Variants in HMGB1 observed in about 807,000 individuals in gnomAD.
The protein encoded by HMGB1 is high mobility group protein B1.
For synonymous variants in HMGB1, 81 were observed against 84.0 expected (o/e 0.96, Z 0.19); for missense variants, 79 against 253.5 (o/e 0.31, Z 4.67).
At position 30,550,525 on chromosome 13, in the gene HMGB1, T is replaced by G. The variant is rs143824238; in HGVS notation, c.-15+66146A>C. 7.1e-3 allele frequency among the ~76,000 whole-genome samples: 1,084 copies of G among 152,316 alleles called. 11 individuals are homozygous for G. Among genetic ancestry groups the G allele is most frequent in the African/African-American group, 0.025 (1,022 of 41,566 alleles). On this transcript the variant is annotated intron_variant, in intron 1 of 4. Coordinates refer to the HMGB1 transcript ENST00000405805. The stretch of plus-strand genomic sequence containing the variant: ...TCGTGTTTGTCGTACTTCCTTAATG[T>G]AGGGATTCTCTCTGTGTAACTACCT...
At chr13:30,509,095 G>A (rs1779899391) in intron 1 of HMGB1, among the ~76,000 whole-genome samples, 1 of 152,016 alleles carries the variant, frequency 6.6e-6, no homozygotes, top group Admixed American at 6.6e-5. Context: ...ACCATGCCCT[G>A]CTAATTAAAA....
At chr13:30,524,337 T>TAAAAAAAAA (rs756389867) in intron 1 of HMGB1, among the ~76,000 whole-genome samples, 2 of 47,408 alleles carry the variant, frequency 4.2e-5, no homozygotes, top group African/African-American at 1.1e-4. Context: ...TAAAGTATAT[T>TAAAAAAAAA]AAAAAAAAAA....
At position 30,477,070 on chromosome 13, in the gene HMGB1, G is replaced by A. The variant is rs76543280; in HGVS notation, c.-14-13376C>T. 8.2e-4 allele frequency among the ~76,000 whole-genome samples: 124 copies of A among 152,044 alleles called. 1 individual carries two copies. In the East Asian group the frequency reaches 0.022, roughly 27 times the overall value. ...CTCCACTAAAGCCATATGATCTTGC[G>A]GTTATTAGCCTAGCTAATAAAATAA... is the stretch of plus-strand genomic sequence containing the variant. On this transcript the variant is annotated intron_variant, in intron 1 of 4. Coordinates refer to the HMGB1 transcript ENST00000405805.
Position 30,463,701 on chromosome 13 carries a change from A to T in HMGB1, c.-14-7T>A, listed in dbSNP as rs375960340. On this transcript the variant is annotated splice_polypyrimidine_tract_variant and splice_region_variant and intron_variant, in intron 1 of 4. Coordinates refer to ENST00000341423, the MANE Select transcript of HMGB1 (RefSeq NM_002128.7). ...CCCATGTTTAGTTATTTTTCTAAAA[A>T]ATAAAATAAATATTTGATGTTAGCA... 260 of 1,501,086 alleles carry T rather than the reference A, an allele frequency of 1.7e-4. 1 individual carries two copies. In the African/African-American group the frequency reaches 2.0e-3, roughly 11 times the overall value. 93.0% of individuals were successfully genotyped at this position (1,501,086 alleles called of 1,614,324 possible).
chr13:30,580,739 T>G (rs1870864499), intron 1 of HMGB1, among the ~76,000 whole-genome samples: 1 of 152,220 alleles, frequency 6.6e-6, no homozygotes, highest in Non-Finnish European at 1.5e-5. Flanking sequence ...AACTATTAGT[T>G]GAATAAAATT....
upstream of HMGB1, chr13:30,465,990 C>T: frequency 2.0e-6 from 2 of 983,828 alleles, no homozygotes; most frequent in Non-Finnish European, 2.4e-6. Context: ...GGGGCTCGCT[C>T]ATTGGCCCGA....
At chr13:30,492,920 G>A (rs1458741481) in intron 1 of HMGB1, among the ~76,000 whole-genome samples, 1 of 150,996 alleles carries the variant, frequency 6.6e-6, no homozygotes, top group African/African-American at 2.4e-5. Context: ...GAACCTGGGA[G>A]GGGGAGGTTG....
chr13:30,529,383 T>C (rs1888447123), intron 1 of HMGB1, among the ~76,000 whole-genome samples: 1 of 152,202 alleles, frequency 6.6e-6, no homozygotes. Flanking sequence ...CAAGGACAAC[T>C]AATGAGGCAA....
chr13:30,541,563 G>A (rs988214683), intron 1 of HMGB1: 2 of 152,554 alleles, frequency 1.3e-5, no homozygotes, highest in East Asian at 3.8e-4. Flanking sequence ...TAAATAACAG[G>A]AAAAGCAAAT....
chr13:30,477,575 A>G (rs73167319), intron 1 of HMGB1, among the ~76,000 whole-genome samples: 20,220 of 152,258 alleles, frequency 0.13, 1,409 homozygotes, highest in South Asian at 0.25. Context: ...AAGACAGAAA[A>G]GGGGACTGCC....
At chr13:30,498,954 TTG>T (rs1887675260) in intron 1 of HMGB1, among the ~76,000 whole-genome samples, 1 of 53,958 alleles carries the variant, frequency 1.9e-5, no homozygotes, top group Non-Finnish European at 6.6e-5. Flanking sequence ...AGCCTCTTTT[TTG>T]TTTTTTTTTT....
In HMGB1 at chr13:30,546,324, C is replaced by T. The variant is rs149297673; in HGVS notation, c.-15+70347G>A. ...AGAGACGGGGTTTCACCATGTTGGC[C>T]AGGATGGTGTTGGTCTCCTGACCTC... On this transcript the variant is annotated intron_variant, in intron 1 of 4. Coordinates refer to the HMGB1 transcript ENST00000405805. 4.1e-4 allele frequency among the ~76,000 whole-genome samples: 62 copies of T among 152,272 alleles called. No individual in the cohort carries two copies. The East Asian group carries it at 0.011, about 27-fold the overall frequency.
intron 1 of HMGB1, among the ~76,000 whole-genome samples, chr13:30,501,177 G>C (rs1038308216): frequency 1.3e-5 from 2 of 152,092 alleles, no homozygotes; most frequent in Admixed American, 6.6e-5. Flanking sequence ...AAATGTGAAA[G>C]TCACCATCAA....
intron 1 of HMGB1, among the ~76,000 whole-genome samples, chr13:30,557,894 C>T (rs533047477): frequency 2.0e-5 from 3 of 152,264 alleles, no homozygotes; most frequent in South Asian, 2.1e-4. Flanking sequence ...TCTATCAATT[C>T]GGTATGTGTT....
chr13:30,492,708 T>C (rs1887523910), intron 1 of HMGB1, among the ~76,000 whole-genome samples: 1 of 152,040 alleles, frequency 6.6e-6, no homozygotes, highest in Admixed American at 6.6e-5. Flanking sequence ...AAGTTAAACA[T>C]GGCCGGGCAC....
chr13:30,469,047 C>T (rs1886863562), upstream of HMGB1, among the ~76,000 whole-genome samples: 1 of 152,086 alleles, frequency 6.6e-6, no homozygotes, highest in Non-Finnish European at 1.5e-5. Context: ...GCATGCACCA[C>T]CATGCCTGGG....
In HMGB1 at chr13:30,553,874, T is replaced by C. The variant is rs1484378933; in HGVS notation, c.-15+62797A>G. 7.6e-6 allele frequency: 10 copies of C among 1,313,722 alleles called. No homozygotes were observed. In the East Asian group the frequency reaches 2.1e-4, roughly 27 times the overall value. The allele number at this position is 1,313,722 out of a possible 1,614,324, so 81.4% of individuals were successfully genotyped here. A position where few individuals can be genotyped will look rare whatever the true frequency, so the allele number is the denominator to read the frequency against. ...AACTGCAGAATACTGAGAATGATTA[T>C]ATTAATGCCAGCTTAGTTGACATAG... On this transcript the variant is annotated intron_variant, in intron 1 of 4. Transcript: ENST00000405805.
At chr13:30,540,361 G>T in intron 1 of HMGB1, 1 of 159,530 alleles carries the variant, frequency 6.3e-6, no homozygotes. Flanking sequence ...CACGACACTG[G>T]GGGATGTGTC....
intron 1 of HMGB1, among the ~76,000 whole-genome samples, chr13:30,484,653 T>C (rs565925528): frequency 6.6e-6 from 1 of 152,166 alleles, no homozygotes; most frequent in African/African-American, 2.4e-5. Flanking sequence ...GAGGACTGCT[T>C]GAGCCCAGGA....
Sources: gnomAD v4.1 joint callset for allele counts (sites outside exome capture counted in the v4.1 genomes callset) on GRCh38, gnomAD v4.1.1 for gene constraint, MANE v1.5 for transcripts, NCBI Gene and HGNC (gene_info 2026-07-23, HGNC 2026-07-21) for gene names.